Variants in IL13RA1 observed in about 807,000 individuals in gnomAD.
The protein encoded by IL13RA1 is interleukin-13 receptor subunit alpha-1.
Under a neutral mutation model 33.8 loss-of-function variants are expected in IL13RA1, and 14 were observed. The observed-to-expected ratio is 0.41, with a 90% CI of 0.27 to 0.65. The LOEUF is 0.65. Ranked by LOEUF, IL13RA1 falls within the 30% of genes least tolerant of loss-of-function variation. IL13RA1 has a pLI of 0.28. For missense variants in IL13RA1, 313 were observed against 327.0 expected, an observed-to-expected ratio of 0.96 and a Z score of 0.33; for synonymous variants, 116 against 115.7, an observed-to-expected ratio of 1.00 and a Z score of -0.02.
chrX:118,799,389 G>A (rs1020695326), downstream of IL13RA1, among the ~76,000 whole-genome samples: 3 of 113,387 alleles, frequency 2.6e-5, no homozygotes, highest in South Asian at 3.5e-4. Context: ...GCCCCTGTGC[G>A]GGATCCACGA....
intron 1 of IL13RA1, chrX:118,738,189 G>C (rs1333302832): frequency 1.8e-5 from 2 of 111,710 alleles, no homozygotes; most frequent in African/African-American, 6.5e-5. Context: ...CTTGGGAAAA[G>C]GTAGAGTTAG....
At chrX:118,765,663 G>T (rs1229482265) in intron 6 of IL13RA1, among the ~76,000 whole-genome samples, 1 of 111,895 alleles carries the variant, frequency 8.9e-6, no homozygotes, top group Non-Finnish European at 1.9e-5. Context: ...TTTGTATGGG[G>T]CATTTATATA....
intron 8 of IL13RA1, among the ~76,000 whole-genome samples, chrX:118,768,036 T>C (rs2017669323): frequency 9.0e-6 from 1 of 111,634 alleles, no homozygotes; most frequent in African/African-American, 3.3e-5. Context: ...TAAAGTAACT[T>C]TGAGGAGTCA....
At chrX:118,773,416 T>C (rs1319161996) in intron 8 of IL13RA1, among the ~76,000 whole-genome samples, 1 of 111,749 alleles carries the variant, frequency 8.9e-6, no homozygotes, top group African/African-American at 3.3e-5. Flanking sequence ...TCTTGAAACA[T>C]GGAGGCGGAG....
intron 6 of IL13RA1, among the ~76,000 whole-genome samples, chrX:118,765,006 C>T (rs997552748): frequency 8.9e-6 from 1 of 112,249 alleles, no homozygotes; most frequent in African/African-American, 3.2e-5. Flanking sequence ...TTGCTGTCCT[C>T]CCAAAGAGCA....
intron 10 of IL13RA1, among the ~76,000 whole-genome samples, chrX:118,788,195 C>T (rs995038522): frequency 1.8e-5 from 2 of 111,917 alleles, no homozygotes; most frequent in Admixed American, 9.5e-5. Flanking sequence ...TCCCTCCGTT[C>T]GGGGTCCCTG....
In IL13RA1 at chrX:118,773,962, CT is replaced by C; in HGVS notation, c.1096del (p.Tyr366ThrfsTer2). 1.0e-6 allele frequency: 1 copy of C among 979,814 alleles called. No individual in the cohort carries two copies. 80.7% of individuals were successfully genotyped at this position (979,814 alleles called of 1,213,427 possible). On this transcript the variant is annotated frameshift_variant, in exon 9 of 11. Transcript: ENST00000371666. LOFTEE classifies it high-confidence loss of function. Reference sequence around the variant, plus strand: ...CGCAGGTGCAATCATAGTACTCCTGCTTTACCTAAAAAGGTAAGGTAGCTGC... The same window carrying C: ...CGCAGGTGCAATCATAGTACTCCTGCTTACCTAAAAAGGTAAGGTAGCTGC... ...IVAGAIIVLLLYLKRLKIIIF... is the reference protein window; with the variant it reads ...IVAGAIIVLLXYLKRLKIIIF...
chrX:118,801,301 C>T, the IL13RA1 span, among the ~76,000 whole-genome samples: 2 of 111,743 alleles, frequency 1.8e-5, no homozygotes, highest in South Asian at 7.5e-4. Context: ...TTTCTCTTGG[C>T]CTCTTTTCTC....
chrX:118,774,189 G>A (rs1264829033), intron 9 of IL13RA1, among the ~76,000 whole-genome samples: 3 of 97,706 alleles, frequency 3.1e-5, no homozygotes, highest in Non-Finnish European at 4.1e-5. Context: ...AGTCTCTGTT[G>A]CCCAGGCTGG....
the IL13RA1 span, among the ~76,000 whole-genome samples, chrX:118,801,843 G>C: frequency 1.8e-5 from 2 of 112,513 alleles, no homozygotes; most frequent in Non-Finnish European, 3.8e-5. Flanking sequence ...AATTTGTAAT[G>C]ACATGGCATT....
intron 8 of IL13RA1, among the ~76,000 whole-genome samples, chrX:118,769,437 T>C: frequency 8.9e-6 from 1 of 112,596 alleles, no homozygotes; most frequent in East Asian, 2.8e-4. Flanking sequence ...CTTATCTTTC[T>C]CATCTGCTTA....
intron 8 of IL13RA1, chrX:118,770,770 T>C: frequency 3.0e-6 from 1 of 332,165 alleles, no homozygotes; most frequent in Admixed American, 3.2e-5. Context: ...GGTGGTCAGC[T>C]CCCTCTGCAT....
intron 3 of IL13RA1, among the ~76,000 whole-genome samples, chrX:118,747,303 A>G (rs2017416524): frequency 9.0e-6 from 1 of 111,332 alleles, no homozygotes; most frequent in Non-Finnish European, 1.9e-5. Flanking sequence ...AACAATGCCT[A>G]ATAGTTATAT....
At chrX:118,738,329 C>T (rs1048511885) in intron 1 of IL13RA1, 1 of 111,700 alleles carries the variant, frequency 9.0e-6, no homozygotes, top group Non-Finnish European at 1.9e-5. Context: ...AGGCTGTAAC[C>T]ATGGTACCCA....
chrX:118,795,913 TCAAA>T (rs1052649831), downstream of IL13RA1, among the ~76,000 whole-genome samples: 11 of 112,352 alleles, frequency 9.8e-5, no homozygotes, highest in Non-Finnish European at 7.5e-5. Context: ...AACGGTTGAG[TCAAA>T]CAAAGTCTTT....
chrX:118,767,184 A>G (rs1030747171), intron 8 of IL13RA1, among the ~76,000 whole-genome samples: 1 of 111,702 alleles, frequency 9.0e-6, no homozygotes, highest in East Asian at 2.8e-4. Flanking sequence ...CCATAATCCA[A>G]ATGGTTTTAT....
At chrX:118,760,121 G>T (rs1353694122) in intron 5 of IL13RA1, among the ~76,000 whole-genome samples, 1 of 111,992 alleles carries the variant, frequency 8.9e-6, no homozygotes, top group Non-Finnish European at 1.9e-5. Context: ...GTAGTGTTAA[G>T]TATATTCACA....
At chrX:118,739,366 T>A (rs1164360796) in intron 1 of IL13RA1, among the ~76,000 whole-genome samples, 3 of 111,667 alleles carry the variant, frequency 2.7e-5, no homozygotes, top group African/African-American at 9.8e-5. Context: ...CAAATGGAAT[T>A]TTTTGCTCAG....
At chrX:118,763,259 T>C (rs2017609095) in intron 6 of IL13RA1, among the ~76,000 whole-genome samples, 2 of 112,917 alleles carry the variant, frequency 1.8e-5, no homozygotes, top group African/African-American at 6.4e-5. Context: ...GTGCAGTTCC[T>C]GCTACTAAAT....
Sources: allele counts gnomAD v4.1 joint callset (sites outside exome capture counted in the v4.1 genomes callset), GRCh38; gene constraint gnomAD v4.1.1; transcripts MANE v1.5; gene names NCBI Gene and HGNC (gene_info 2026-07-23, HGNC 2026-07-21).